POU2AF2: variants seen among roughly 807,000 people sequenced by gnomAD.
The protein encoded by POU2AF2 is POU class 2 homeobox associating factor 2, also known as POU domain class 2-associating factor 2.
the POU2AF2 span, chr11:111,284,423 G>A: frequency 1.3e-6 from 2 of 1,523,202 alleles, no homozygotes; most frequent in Non-Finnish European, 8.8e-7. Context: ...GAGGGGCGAG[G>A]CTCGCCCTCT....
chr11:111,269,598 G>T, the POU2AF2 span, among the ~76,000 whole-genome samples: 1 of 151,988 alleles, frequency 6.6e-6, no homozygotes, highest in Non-Finnish European at 1.5e-5. Context: ...ATCAGTTTTT[G>T]CAGCGGAACA....
the POU2AF2 span, among the ~76,000 whole-genome samples, chr11:111,249,050 A>T: frequency 3.3e-5 from 5 of 152,346 alleles, no homozygotes; most frequent in East Asian, 9.6e-4. Flanking sequence ...CTACAGTGCA[A>T]AAAAACATCT....
chr11:111,286,283 A>G, the POU2AF2 span: 1 of 492,828 alleles, frequency 2.0e-6, no homozygotes, highest in Non-Finnish European at 3.5e-6. Context: ...AGATAACCTT[A>G]CAATGTGGTC....
chr11:111,273,106 A>C, the POU2AF2 span, among the ~76,000 whole-genome samples: 1 of 152,260 alleles, frequency 6.6e-6, no homozygotes, highest in African/African-American at 2.4e-5. Context: ...AAAAGTAATA[A>C]GATTTATAAG....
the POU2AF2 span, among the ~76,000 whole-genome samples, chr11:111,277,852 C>A: frequency 6.6e-6 from 1 of 152,220 alleles, no homozygotes; most frequent in Non-Finnish European, 1.5e-5. Flanking sequence ...TGGCACAGAT[C>A]TTCAAGGAAA....
chr11:111,254,348 A>G, the POU2AF2 span, among the ~76,000 whole-genome samples: 1 of 152,262 alleles, frequency 6.6e-6, no homozygotes, highest in Non-Finnish European at 1.5e-5. Context: ...TGTTTTGCTG[A>G]AATAAGGCTG....
At chr11:111,275,767 A>G in the POU2AF2 span, among the ~76,000 whole-genome samples, 1 of 152,234 alleles carries the variant, frequency 6.6e-6, no homozygotes, top group Non-Finnish European at 1.5e-5. Flanking sequence ...CATAATGAGC[A>G]CTCAACAAGA....
the POU2AF2 span, among the ~76,000 whole-genome samples, chr11:111,283,352 C>G: frequency 6.6e-6 from 1 of 152,002 alleles, no homozygotes; most frequent in Admixed American, 6.6e-5. Context: ...CCTGCACCAC[C>G]AAGGGAAACT....
the POU2AF2 span, among the ~76,000 whole-genome samples, chr11:111,263,732 G>A: frequency 2.6e-5 from 4 of 151,996 alleles, no homozygotes; most frequent in Non-Finnish European, 5.9e-5. Context: ...TGCCCAGCCT[G>A]AAGTTCATAT....
the POU2AF2 span, among the ~76,000 whole-genome samples, chr11:111,261,154 G>T: frequency 1.3e-5 from 2 of 151,612 alleles, no homozygotes; most frequent in Non-Finnish European, 2.9e-5. Context: ...TTAAATAATG[G>T]TTTTTCTTTT....
At chr11:111,280,364 C>T in the POU2AF2 span, among the ~76,000 whole-genome samples, 5 of 152,072 alleles carry the variant, frequency 3.3e-5, no homozygotes, top group Non-Finnish European at 5.9e-5. Flanking sequence ...ATACAGTAGG[C>T]GCCCCTTAGC....
the POU2AF2 span, among the ~76,000 whole-genome samples, chr11:111,273,162 C>T: frequency 6.6e-6 from 1 of 152,110 alleles, no homozygotes; most frequent in Admixed American, 6.6e-5. Context: ...TCACACCAAC[C>T]GAAATGCCCT....
At chr11:111,261,280 CACACACACACACAT>C in the POU2AF2 span, among the ~76,000 whole-genome samples, 10 of 141,628 alleles carry the variant, frequency 7.1e-5, no homozygotes, top group South Asian at 2.7e-4. Context: ...CACACACACA[CACACACACACACAT>C]AATTAAGTTC....
At chr11:111,250,846 A>G in the POU2AF2 span, among the ~76,000 whole-genome samples, 3 of 152,202 alleles carry the variant, frequency 2.0e-5, no homozygotes, top group Non-Finnish European at 4.4e-5. Flanking sequence ...CAGCCAGCGC[A>G]AAAGTCTTAA....
At chr11:111,266,064 A>G in the POU2AF2 span, among the ~76,000 whole-genome samples, 2 of 152,112 alleles carry the variant, frequency 1.3e-5, no homozygotes, top group Admixed American at 6.6e-5. Context: ...TAACAAACCT[A>G]TAATTATACT....
At chr11:111,251,656 T>C in the POU2AF2 span, among the ~76,000 whole-genome samples, 1 of 152,336 alleles carries the variant, frequency 6.6e-6, no homozygotes, top group Non-Finnish European at 1.5e-5. Flanking sequence ...GTCCACATGC[T>C]TCTCATTCCA....
At chr11:111,285,695 C>G in the POU2AF2 span, 7 of 1,613,638 alleles carry the variant, frequency 4.3e-6, no homozygotes, top group Non-Finnish European at 5.1e-6. Context: ...TCTCAGCCAG[C>G]CTGACCCTGT....
chr11:111,264,607 C>T, the POU2AF2 span, among the ~76,000 whole-genome samples: 34 of 61,420 alleles, frequency 5.5e-4, 2 homozygotes, highest in Admixed American at 1.6e-3. Flanking sequence ...AAGAAAGAGA[C>T]GAAAGAAAGA....
At chr11:111,252,538 G>C in the POU2AF2 span, among the ~76,000 whole-genome samples, 1 of 151,730 alleles carries the variant, frequency 6.6e-6, no homozygotes, top group Non-Finnish European at 1.5e-5. Flanking sequence ...ATGCCAGCCT[G>C]CTTGATGTGC....
Sources: allele counts gnomAD v4.1 joint callset (sites outside exome capture counted in the v4.1 genomes callset), GRCh38; gene constraint gnomAD v4.1.1; transcripts MANE v1.5; gene names NCBI Gene and HGNC (gene_info 2026-07-23, HGNC 2026-07-21).